The following ANKRD30B variants were observed in gnomAD, a reference collection of about 807,000 sequenced individuals.
The protein encoded by ANKRD30B is ankyrin repeat domain-containing protein 30B.
ANKRD30B carries 144 observed loss-of-function variants against 202.2 expected under a neutral mutation model. The ratio of observed to expected loss-of-function variants is 0.71; its 90% confidence interval spans 0.62 to 0.82. The LOEUF is 0.82. ANKRD30B is among the 40% of genes least tolerant of loss of function. The probability of loss-of-function intolerance (pLI) is 0.00; values close to 1 mark genes in which losing one functional copy is unlikely to be tolerated. For missense variants in ANKRD30B, 1,487 were observed against 1,669.1 expected (o/e 0.89, Z 1.90); for synonymous variants, 508 against 561.3 (o/e 0.91, Z 1.34).
chr18:14,786,288 T>G (rs1968081357), intron 14 of ANKRD30B, among the ~76,000 whole-genome samples: 1 of 152,190 alleles, frequency 6.6e-6, no homozygotes, highest in Non-Finnish European at 1.5e-5. Flanking sequence ...GTGTGGGCCT[T>G]GATTTTATCC....
chr18:14,811,637 T>A (rs1969929806), intron 28 of ANKRD30B, among the ~76,000 whole-genome samples: 1 of 110,598 alleles, frequency 9.0e-6, no homozygotes, highest in Non-Finnish European at 1.8e-5. Flanking sequence ...ATTTAATACA[T>A]AAAATTTTTT....
chr18:14,828,798 T>A (rs895841123), intron 33 of ANKRD30B, among the ~76,000 whole-genome samples: 1 of 152,260 alleles, frequency 6.6e-6, no homozygotes, highest in African/African-American at 2.4e-5. Flanking sequence ...ACCTTGTTTT[T>A]ATCACCAACG....
In ANKRD30B at chr18:14,854,506, G is replaced by A. The variant is rs150965589; in HGVS notation, c.*348G>A. On this transcript the variant is annotated 3_prime_UTR_variant, in exon 44 of 44. Transcript: ENST00000690538. ...AATCCTTATCATGAATCCCTGACAC[G>A]TTCAGTGTTTTCAGTTATTTTTCTT... Among the ~76,000 whole-genome samples, 203 of 152,202 alleles carry A rather than the reference G, an allele frequency of 1.3e-3. No individual in the cohort carries two copies. The highest frequency in any genetic ancestry group is 4.0e-3 in the African/African-American group (167 of 41,510).
Position 14,784,369 on chromosome 18 carries a change from T to A in ANKRD30B, c.1599+5T>A, listed in dbSNP as rs1363153604. 1 of 1,612,758 alleles carries A rather than the reference T, an allele frequency of 6.2e-7. No individual in the cohort carries two copies. ...GAGAAGCCATCTGCCTTCAAGGTAT[T>A]TAGTTTTATGGTTTCATTTTGAATG... On this transcript the variant is annotated splice_donor_5th_base_variant and intron_variant, in intron 13 of 43. Coordinates refer to ENST00000690538, the MANE Select transcript of ANKRD30B (RefSeq NM_001367607.2).
At chr18:14,799,614 T>G (rs1183475756) in intron 22 of ANKRD30B, among the ~76,000 whole-genome samples, 38 of 152,156 alleles carry the variant, frequency 2.5e-4, no homozygotes, top group African/African-American at 7.5e-4. Context: ...ATTTTCAGTG[T>G]TTCAAATGCT....
intron 4 of ANKRD30B, among the ~76,000 whole-genome samples, chr18:14,756,655 A>T (rs561143620): frequency 6.6e-6 from 1 of 152,336 alleles, no homozygotes; most frequent in Admixed American, 6.5e-5. Flanking sequence ...GCAGTTTGGG[A>T]GGCCAAGGTG....
At chr18:14,865,535 A>C in the ANKRD30B span, among the ~76,000 whole-genome samples, 2 of 149,410 alleles carry the variant, frequency 1.3e-5, no homozygotes, top group African/African-American at 4.9e-5. Context: ...TCTACCCAAA[A>C]ACTTTTTCAC....
the ANKRD30B span, among the ~76,000 whole-genome samples, chr18:14,862,343 C>A: frequency 6.6e-6 from 1 of 151,606 alleles, no homozygotes; most frequent in African/African-American, 2.4e-5. Context: ...AAAGTTGGTT[C>A]TTTGCAAGGA....
intron 15 of ANKRD30B, 103 bp downstream of exon 15, chr18:14,787,203 C>G (rs1348081836): frequency 5.9e-6 from 6 of 1,015,282 alleles, no homozygotes; most frequent in Non-Finnish European, 5.6e-6. Flanking sequence ...TATGTCACCC[C>G]CAAATTATTT....
At position 14,851,626 on chromosome 18, in the gene ANKRD30B, G is replaced by A. The variant is rs1411867905; in HGVS notation, c.3682G>A (p.Glu1228Lys). Residue 1228 changes from glutamate to lysine, a missense_variant, in exon 42 of 44, where the codon GAA (glutamate) becomes AAA (lysine). Physicochemically the swap from Glu to Lys is moderately conservative, Grantham distance 56 (BLOSUM62 1). This residue lies in a region of ANKRD30B where 177 missense variants were observed against 216.4 expected (regional missense o/e 0.82). Transcript: ENST00000690538. ...ATLKHQHQVK[E>K]NKYFEDIKIL... Reference sequence around the variant, plus strand: ...ACTGAAACATCAACACCAGGTGAAGGAAAATAAATACTTTGAGGACATTAA... The same window carrying A: ...ACTGAAACATCAACACCAGGTGAAGAAAAATAAATACTTTGAGGACATTAA... 2.5e-6 allele frequency: 4 copies of A among 1,611,590 alleles called. No homozygotes were observed. The highest frequency in any genetic ancestry group is 3.4e-6 in the Non-Finnish European group (4 of 1,178,952).
chr18:14,815,277 A>G (rs1223526532), intron 30 of ANKRD30B, among the ~76,000 whole-genome samples: 1 of 132,410 alleles, frequency 7.6e-6, no homozygotes, highest in African/African-American at 2.9e-5. Flanking sequence ...ATAAGCATAT[A>G]TGCACGGCCA....
chr18:14,796,555 T>G, intron 18 of ANKRD30B, 140 bp downstream of exon 18: 1 of 1,166,036 alleles, frequency 8.6e-7, no homozygotes, highest in Non-Finnish European at 1.2e-6. Flanking sequence ...AATGTTAGCA[T>G]TTATGTTTGA....
the ANKRD30B span, among the ~76,000 whole-genome samples, chr18:14,904,057 A>G: frequency 6.6e-6 from 1 of 152,174 alleles, no homozygotes; most frequent in Non-Finnish European, 1.5e-5. Context: ...TGTTATTAAC[A>G]CCTGTATAAT....
chr18:14,850,513 T>A, intron 41 of ANKRD30B, 131 bp downstream of exon 41: 1 of 972,848 alleles, frequency 1.0e-6, no homozygotes, highest in East Asian at 3.3e-5. Context: ...AAATTAACTA[T>A]GACTTTTGTA....
chr18:14,915,764 A>G, the ANKRD30B span: 1 of 152,200 alleles, frequency 6.6e-6, no homozygotes, highest in Non-Finnish European at 1.5e-5. Flanking sequence ...TTTCAAGCAC[A>G]TATACTTCAA....
chr18:14,798,172 A>G (rs555246814), intron 20 of ANKRD30B, among the ~76,000 whole-genome samples: 1 of 149,326 alleles, frequency 6.7e-6, no homozygotes, highest in Admixed American at 6.7e-5. Flanking sequence ...AGCTGTGTCC[A>G]GGAGAATCAC....
the ANKRD30B span, among the ~76,000 whole-genome samples, chr18:14,895,355 G>A: frequency 6.6e-6 from 1 of 152,170 alleles, no homozygotes; most frequent in South Asian, 2.1e-4. Context: ...CTATTAGCAT[G>A]ACTAAACTCC....
At chr18:14,888,748 C>T in the ANKRD30B span, 3 of 1,032,798 alleles carry the variant, frequency 2.9e-6, no homozygotes, top group Non-Finnish European at 4.2e-6. Flanking sequence ...TTTGTTCTTT[C>T]TTCATTTTTT....
chr18:14,782,642 C>T (rs1324658920), intron 12 of ANKRD30B, 28 bp downstream of exon 12: 20 of 1,447,914 alleles, frequency 1.4e-5, no homozygotes, highest in Non-Finnish European at 1.8e-5. Context: ...TTTGAAAAGT[C>T]TTTTAACCAT....
Sources: allele counts gnomAD v4.1 joint callset (sites outside exome capture counted in the v4.1 genomes callset), GRCh38; gene constraint gnomAD v4.1.1; regional missense constraint gnomAD v4.1.1; transcripts MANE v1.5; gene names NCBI Gene and HGNC (gene_info 2026-07-23, HGNC 2026-07-21).